Variants in C2orf80 observed in about 807,000 individuals in gnomAD.
C2orf80 encodes chromosome 2 open reading frame 80.
In C2orf80, 28 loss-of-function variants were observed where a neutral mutation model predicts 30.2. That is an observed-to-expected ratio of 0.93 (90% confidence interval 0.69 to 1.27). The LOEUF (loss-of-function observed/expected upper bound fraction) is 1.27, where lower values mean the gene tolerates loss of function less well. C2orf80 is among the 50% of genes most tolerant of loss of function. The probability of loss-of-function intolerance (pLI) is 0.00; values close to 1 mark genes in which losing one functional copy is unlikely to be tolerated. For missense variants in C2orf80, 220 were observed against 231.0 expected, an observed-to-expected ratio of 0.95 and a Z score of 0.31; for synonymous variants, 80 against 76.4, an observed-to-expected ratio of 1.05 and a Z score of -0.24.
chr2:208,182,991 G>A lies in C2orf80; in HGVS notation c.180C>T (p.Asp60=). The change falls in exon 4 of 9, where the codon GAC becomes GAT. Residue 60 remains aspartate (D), a synonymous_variant. Coordinates refer to ENST00000341287, the MANE Select transcript of C2orf80 (RefSeq NM_001099334.3). Reference sequence around the variant, plus strand: ...GTTCCTCCCACTCCAGCCAAGTTAAGTCTTCTGAGGGATCCAGCCATTGCA... The same window carrying A: ...GTTCCTCCCACTCCAGCCAAGTTAAATCTTCTGAGGGATCCAGCCATTGCA... ...VALQWLDPSE[D]LTWLEWEELK... is the part of the protein sequence containing the mutation. 3 of 1,614,046 alleles carry A rather than the reference G, an allele frequency of 1.9e-6. No homozygotes were observed. The highest frequency in any genetic ancestry group is 2.5e-6 in the Non-Finnish European group (3 of 1,179,908).
At chr2:208,176,379 T>C (rs1214732651) in intron 6 of C2orf80, among the ~76,000 whole-genome samples, 1 of 152,212 alleles carries the variant, frequency 6.6e-6, no homozygotes, top group Non-Finnish European at 1.5e-5. Context: ...TTTCACCATG[T>C]TGGCCAGGCT....
intron 4 of C2orf80, among the ~76,000 whole-genome samples, chr2:208,181,931 T>C (rs937873694): frequency 2.0e-5 from 3 of 152,222 alleles, no homozygotes; most frequent in Admixed American, 6.5e-5. Context: ...AATTAAACCA[T>C]GCCTAACACA....
rs377285056 is a variant in C2orf80, at chr2:208,184,861, C to G, written c.123+90G>C. On this transcript the variant is annotated intron_variant, in intron 3 of 8. Transcript: ENST00000341287. ...TTTGGGGGATGGGTGTCAATATTAG[C>G]CTTGTTTATTGTATAAATAAGATCC... is the stretch of plus-strand genomic sequence containing the variant. The G allele has an allele frequency of 1.5e-3, 1,503 of 1,032,372 alleles. 31 individuals carry two copies. The South Asian group carries it at 0.02, about 14-fold the overall frequency. 64.0% of individuals were successfully genotyped at this position (1,032,372 alleles called of 1,614,324 possible).
chr2:208,187,996 G>C (rs1696767822), intron 1 of C2orf80, among the ~76,000 whole-genome samples: 1 of 151,836 alleles, frequency 6.6e-6, no homozygotes, highest in Non-Finnish European at 1.5e-5. Flanking sequence ...TCCTCTATCA[G>C]ATTTTGGACT....
Position 208,170,996 on chromosome 2 carries a change from G to T in C2orf80, c.522C>A (p.Ala174=). The T allele has an allele frequency of 6.2e-7, 1 of 1,614,090 alleles. No homozygotes were observed. The highest frequency in any genetic ancestry group is 1.1e-5 in the South Asian group (1 of 91,078). Residue 174 remains alanine, a synonymous_variant, in exon 8 of 9, where the codon GCC becomes GCA. Transcript: ENST00000341287. ...ATSISAKEAN[A]TEWKSSQRFS... is the part of the protein sequence containing the mutation. Reference sequence around the variant, plus strand: ...ACCTTTGTGATGATTTCCATTCTGTGGCATTTGCTTCCTTTGCAGAGATGC... The same window carrying T: ...ACCTTTGTGATGATTTCCATTCTGTTGCATTTGCTTCCTTTGCAGAGATGC...
intron 3 of C2orf80, 22 bp downstream of exon 3, chr2:208,184,929 G>T (rs374770685): frequency 7.6e-5 from 120 of 1,576,962 alleles, no homozygotes; most frequent in Non-Finnish European, 9.2e-5. Flanking sequence ...AATATGACTC[G>T]CATCAGCGTG....
At chr2:208,169,269 T>TTGTGCG (rs1696014895) in intron 8 of C2orf80, among the ~76,000 whole-genome samples, 1 of 137,968 alleles carries the variant, frequency 7.2e-6, no homozygotes, top group African/African-American at 2.7e-5. Context: ...AAAGTCTAGA[T>TTGTGCG]TGTGTGTGTG....
chr2:208,187,103 T>TCACTC, intron 1 of C2orf80, 42 bp from the exon 2 acceptor site: 1 of 898,834 alleles, frequency 1.1e-6, no homozygotes, highest in Admixed American at 2.0e-5. Flanking sequence ...AGGGATGCTA[T>TCACTC]CACTCCAAAT....
rs969767018 is a variant in C2orf80 at position 208,165,587 on chromosome 2, G to A, written c.*220C>T. 29 of 501,388 alleles carry A rather than the reference G, an allele frequency of 5.8e-5. No homozygotes were observed. The highest frequency in any genetic ancestry group is 8.3e-5 in the Non-Finnish European group (24 of 289,740). The allele number at this position is 501,388 out of a possible 1,614,324, so 31.1% of individuals were successfully genotyped here. On this transcript the variant is annotated 3_prime_UTR_variant, in exon 9 of 9. Coordinates refer to ENST00000341287, the MANE Select transcript of C2orf80 (RefSeq NM_001099334.3). ...TCTCCAGCAGTCTTCCAGTCACAAT[G>A]AAGTAGCATAAGGTCACAGTTTTTT...
chr2:208,182,926 CAAATT>C (rs748763957), intron 4 of C2orf80, 34 bp downstream of exon 4: 1 of 1,493,460 alleles, frequency 6.7e-7, no homozygotes, highest in Non-Finnish European at 9.3e-7. Context: ...ATCATAGGCA[CAAATT>C]AAAGAGGAAA....
At chr2:208,168,836 C>A (rs1695997137) in intron 8 of C2orf80, among the ~76,000 whole-genome samples, 1 of 150,154 alleles carries the variant, frequency 6.7e-6, no homozygotes, top group African/African-American at 2.5e-5. Context: ...GTTCTTTCGA[C>A]ACTCCTGGGC....
At chr2:208,180,703 C>G (rs752813463) in intron 6 of C2orf80, 42 bp downstream of exon 6, 2 of 1,432,074 alleles carry the variant, frequency 1.4e-6, no homozygotes, top group East Asian at 2.3e-5. Context: ...AATAAATTAT[C>G]TCTAAAAATC....
rs996999509 is a variant in C2orf80 at position 208,172,942 on chromosome 2, C to G, written c.367-867G>C. On this transcript the variant is annotated intron_variant, in intron 6 of 8. Transcript: ENST00000341287. ...GACCAGCCTGGCCAACATGGCAAAA[C>G]CCCGCCTCTACTAAAAATACAAAAA... Among the ~76,000 whole-genome samples, 11 of 151,900 alleles carry G rather than the reference C, an allele frequency of 7.2e-5. No homozygotes were observed. In the East Asian group the frequency reaches 2.1e-3, roughly 29 times the overall value.
intron 6 of C2orf80, among the ~76,000 whole-genome samples, chr2:208,175,554 C>A (rs1386160901): frequency 6.6e-6 from 1 of 152,140 alleles, no homozygotes; most frequent in African/African-American, 2.4e-5. Flanking sequence ...CAGCCTAGCA[C>A]AGTACCCATA....
intron 1 of C2orf80, among the ~76,000 whole-genome samples, chr2:208,189,427 T>C (rs1335894437): frequency 6.6e-6 from 1 of 152,198 alleles, no homozygotes; most frequent in Non-Finnish European, 1.5e-5. Context: ...CACTAAACTG[T>C]AGGTCAGAAG....
At chr2:208,175,567 G>A (rs574322770) in intron 6 of C2orf80, among the ~76,000 whole-genome samples, 52 of 152,242 alleles carry the variant, frequency 3.4e-4, no homozygotes, top group African/African-American at 1.2e-3. Flanking sequence ...TACCCATATT[G>A]TGTCATGCGG....
At position 208,181,225 on chromosome 2, in the gene C2orf80, A is replaced by G; in HGVS notation, c.287T>C (p.Ile96Thr). 1 of 1,597,650 alleles carries G rather than the reference A, an allele frequency of 6.3e-7. No homozygotes were observed. Among genetic ancestry groups the G allele is most frequent in the Non-Finnish European group, 8.6e-7 (1 of 1,165,184 alleles). ...EAMILSSYAG[I>T]LMNSIPIEEV... ...TAGTATTCTTTTCCTTACCATTAAG[A>G]TTCCAGCATAAGATGATAAAATCAT... Residue 96 changes from isoleucine (I) to threonine (T), a missense_variant, in exon 5 of 9, where the codon ATC (isoleucine) becomes ACC (threonine). Physicochemically the swap from Ile to Thr is moderately conservative, Grantham distance 89. Coordinates refer to ENST00000341287, the MANE Select transcript of C2orf80 (RefSeq NM_001099334.3).
At chr2:208,181,791 C>A (rs1696571027) in intron 4 of C2orf80, among the ~76,000 whole-genome samples, 1 of 151,962 alleles carries the variant, frequency 6.6e-6, no homozygotes, top group African/African-American at 2.4e-5. Context: ...GCCACTGAGA[C>A]ACAATTGGGT....
In C2orf80 at chr2:208,171,966, A is replaced by C; in HGVS notation, c.454+22T>G. ...TAGTTTGACTTACATTCCTCTAAGC[A>C]GGTGAAAGTAACCAGGCTTACTCTG... On this transcript the variant is annotated intron_variant, in intron 7 of 8. Transcript: ENST00000341287. 4 of 1,584,646 alleles carry C rather than the reference A, an allele frequency of 2.5e-6. No homozygotes were observed. In the South Asian group the frequency reaches 4.4e-5, roughly 18 times the overall value.
Sources: gnomAD v4.1 joint callset for allele counts (sites outside exome capture counted in the v4.1 genomes callset) on GRCh38, gnomAD v4.1.1 for gene constraint, MANE v1.5 for transcripts, NCBI Gene and HGNC (gene_info 2026-07-23, HGNC 2026-07-21) for gene names.